The following HRH1 variants were observed in gnomAD, a reference collection of about 807,000 sequenced individuals.
HRH1 encodes histamine H1 receptor.
Under a neutral mutation model 10.3 loss-of-function variants are expected in HRH1, and 6 were observed. The ratio of observed to expected loss-of-function variants is 0.58; its 90% confidence interval spans 0.32 to 1.15. The LOEUF is 1.15. Among genes scored for constraint, HRH1 ranks in the 50% most tolerant of loss-of-function variants. HRH1 has a pLI of 0.05. For missense variants in HRH1, 514 were observed against 615.3 expected, an observed-to-expected ratio of 0.84 and a Z score of 1.74; for synonymous variants, 242 against 236.7, an observed-to-expected ratio of 1.02 and a Z score of -0.21.
rs528146518 is a variant in HRH1, at chr3:11,194,674, A to T, written c.-36+40120A>T. ...ACTAAAAATACAAACAATTAGCTGG[A>T]CATGGTGGCGTGCACCTGTAATCCC... On this transcript the variant is annotated intron_variant, in intron 1 of 1. Transcript: ENST00000431010. Among the ~76,000 whole-genome samples, 15 of 152,284 alleles carry T rather than the reference A, an allele frequency of 9.9e-5. No individual in the cohort carries two copies. In the East Asian group the frequency reaches 2.9e-3, roughly 29 times the overall value.
intron 1 of HRH1, among the ~76,000 whole-genome samples, chr3:11,211,840 A>G (rs759164974): frequency 5.9e-5 from 9 of 152,234 alleles, no homozygotes; most frequent in Non-Finnish European, 1.3e-4. Context: ...GGCTAGGGCT[A>G]CTGGGACTAT....
chr3:11,225,606 C>T (rs1205717452), intron 1 of HRH1, among the ~76,000 whole-genome samples: 1 of 152,252 alleles, frequency 6.6e-6, no homozygotes, highest in African/African-American at 2.4e-5. Context: ...ATGACTCAGA[C>T]CCACATGTGA....
rs377161605 is a variant in HRH1, at chr3:11,245,738, GAA to G, written c.-35-13264_-35-13263del. Reference sequence around the variant, plus strand: ...GATGGTTTGCTTGTGCACTCTTAGAGAAGATGGGTCCATTTCTGCTTTTTACC... The same window carrying G: ...GATGGTTTGCTTGTGCACTCTTAGAGGATGGGTCCATTTCTGCTTTTTACC... On this transcript the variant is annotated intron_variant, in intron 1 of 1. Coordinates refer to ENST00000431010, the MANE Select transcript of HRH1 (RefSeq NM_001098212.2). 1.9e-4 allele frequency among the ~76,000 whole-genome samples: 29 copies of G among 152,278 alleles called. No individual in the cohort carries two copies. The South Asian group carries it at 6.0e-3, about 32-fold the overall frequency.
At chr3:11,256,090 AG>A (rs1939773401) in intron 1 of HRH1, among the ~76,000 whole-genome samples, 1 of 152,106 alleles carries the variant, frequency 6.6e-6, no homozygotes, top group African/African-American at 2.4e-5. Flanking sequence ...GTGATGGCTG[AG>A]GGGTAGGTAA....
At chr3:11,155,401 G>A (rs2125005483) in intron 1 of HRH1, among the ~76,000 whole-genome samples, 1 of 152,302 alleles carries the variant, frequency 6.6e-6, no homozygotes, top group Non-Finnish European at 1.5e-5. Flanking sequence ...AGGAGCCCAG[G>A]AAGCCAGGAG....
chr3:11,222,775 C>T (rs950997414), intron 1 of HRH1, among the ~76,000 whole-genome samples: 1 of 152,160 alleles, frequency 6.6e-6, no homozygotes, highest in African/African-American at 2.4e-5. Context: ...CCTAAGACAA[C>T]ACTACACCCT....
At chr3:11,220,707 A>G (rs1293407833) in intron 1 of HRH1, among the ~76,000 whole-genome samples, 7 of 152,184 alleles carry the variant, frequency 4.6e-5, no homozygotes, top group African/African-American at 7.2e-5. Flanking sequence ...GAACTTAAAG[A>G]ACAGACAAGT....
At chr3:11,162,298 C>G (rs1418804616) in intron 1 of HRH1, among the ~76,000 whole-genome samples, 2 of 152,060 alleles carry the variant, frequency 1.3e-5, no homozygotes, top group Non-Finnish European at 2.9e-5. Flanking sequence ...TGATGATGCT[C>G]CCATCGAGTG....
chr3:11,142,033 G>T (rs1270584080), intron 1 of HRH1, among the ~76,000 whole-genome samples: 1 of 152,174 alleles, frequency 6.6e-6, no homozygotes, highest in African/African-American at 2.4e-5. Context: ...ACTAGATATG[G>T]GTAATGCCCT....
upstream of HRH1, among the ~76,000 whole-genome samples, chr3:11,152,198 G>A (rs1936647087): frequency 2.0e-5 from 3 of 152,116 alleles, no homozygotes; most frequent in South Asian, 6.2e-4. Flanking sequence ...GTGAGGAATC[G>A]GTGCATTATT....
chr3:11,209,190 C>T (rs1938238303), intron 1 of HRH1, among the ~76,000 whole-genome samples: 1 of 152,188 alleles, frequency 6.6e-6, no homozygotes, highest in Non-Finnish European at 1.5e-5. Flanking sequence ...TAACTGGGCT[C>T]AAGCAATCCT....
intron 1 of HRH1, among the ~76,000 whole-genome samples, chr3:11,189,599 T>C (rs1365133100): frequency 6.6e-6 from 1 of 152,046 alleles, no homozygotes; most frequent in East Asian, 1.9e-4. Context: ...GGAATGATAT[T>C]ATGACAATTT....
chr3:11,213,184 C>T (rs1938383598), intron 1 of HRH1, among the ~76,000 whole-genome samples: 1 of 152,208 alleles, frequency 6.6e-6, no homozygotes, highest in Non-Finnish European at 1.5e-5. Context: ...ATGGTAGCTC[C>T]TTGTGGACGA....
chr3:11,242,652 A>G (rs1244742683), intron 1 of HRH1, among the ~76,000 whole-genome samples: 1 of 152,100 alleles, frequency 6.6e-6, no homozygotes. Flanking sequence ...TTTATTTTCT[A>G]TCATAAATAA....
At position 11,154,834 on chromosome 3, in the gene HRH1, C is replaced by T. The variant is rs926850770; in HGVS notation, c.-36+280C>T. 6.6e-6 allele frequency among the ~76,000 whole-genome samples: 1 copy of T among 152,134 alleles called. No homozygotes were observed. Among genetic ancestry groups the T allele is most frequent in the African/African-American group, 2.4e-5 (1 of 41,438 alleles). On this transcript the variant is annotated intron_variant, in intron 1 of 1. Transcript: ENST00000431010. The surrounding 1 kb of genome is among the most constrained non-coding windows in gnomAD (Gnocchi z 4.4). ...AGCTTCCCCGGGCTTGGGCAGGGTG[C>T]GCGCCCTGAGCGTCCGTCTTTGAGC...
Position 11,146,660 on chromosome 3 carries a change from A to T in HRH1, c.-36+9261A>T, listed in dbSNP as rs191852532. ...TAGGCATGGTCCTGAGCTTGGAGAC[A>T]GACACCAGAATTCCCAAAGGAGTCT... On this transcript the variant is annotated intron_variant, in intron 1 of 1. Coordinates refer to the HRH1 transcript ENST00000438284. 1.7e-3 allele frequency among the ~76,000 whole-genome samples: 262 copies of T among 152,324 alleles called. 4 individuals carry two copies. Among genetic ancestry groups the T allele is most frequent in the African/African-American group, 5.9e-3 (244 of 41,580 alleles).
chr3:11,185,398 A>T (rs761278433), intron 1 of HRH1, among the ~76,000 whole-genome samples: 15 of 152,102 alleles, frequency 9.9e-5, no homozygotes, highest in Non-Finnish European at 1.9e-4. Context: ...CTCCCACAGC[A>T]CTTTGTCTAC....
chr3:11,210,116 A>G (rs1236762829), intron 1 of HRH1, among the ~76,000 whole-genome samples: 2 of 152,188 alleles, frequency 1.3e-5, no homozygotes, highest in Non-Finnish European at 2.9e-5. Context: ...ATAGGGCCAC[A>G]TGCAGTGGCT....
At chr3:11,155,648 T>A (rs540113230) in intron 1 of HRH1, among the ~76,000 whole-genome samples, 3 of 152,114 alleles carry the variant, frequency 2.0e-5, no homozygotes, top group Non-Finnish European at 4.4e-5. Context: ...AGGCTGGGAG[T>A]CCTGGTGAAC....
Sources: allele counts gnomAD v4.1 joint callset (sites outside exome capture counted in the v4.1 genomes callset), GRCh38; gene constraint gnomAD v4.1.1; non-coding constraint Gnocchi (gnomAD v3.1); transcripts MANE v1.5; gene names NCBI Gene and HGNC (gene_info 2026-07-23, HGNC 2026-07-21).